Variants in SORBS2 observed in about 807,000 individuals in gnomAD.
SORBS2 encodes sorbin and SH3 domain containing 2.
A neutral mutation model predicts 97.7 loss-of-function variants in SORBS2; 46 were observed. That is an observed-to-expected ratio of 0.47 (90% CI 0.37 to 0.60). The LOEUF (loss-of-function observed/expected upper bound fraction) is 0.60, where lower values mean the gene tolerates loss of function less well. SORBS2 is among the 20% of genes least tolerant of loss of function. The pLI is 0.00. For missense variants in SORBS2, 1,316 were observed against 1,282.3 expected (o/e 1.03, Z -0.40); for synonymous variants, 476 against 473.4 (o/e 1.01, Z -0.07).
intron 2 of SORBS2, among the ~76,000 whole-genome samples, chr4:185,730,583 C>T (rs1215309868): frequency 1.3e-5 from 2 of 152,196 alleles, no homozygotes; most frequent in African/African-American, 2.4e-5. Context: ...GACAGGAAGT[C>T]CTTGAGCGAG....
At chr4:185,650,378 G>A (rs1181081823) in intron 2 of SORBS2, among the ~76,000 whole-genome samples, 1 of 152,154 alleles carries the variant, frequency 6.6e-6, no homozygotes, top group African/African-American at 2.4e-5. Flanking sequence ...GGGCAAGAGG[G>A]GAGCAGGGAT....
At chr4:185,867,516 T>G (rs1255948750) in intron 1 of SORBS2, among the ~76,000 whole-genome samples, 1 of 152,186 alleles carries the variant, frequency 6.6e-6, no homozygotes, top group Non-Finnish European at 1.5e-5. Context: ...TATTTCATTT[T>G]CATCTATAAT....
chr4:185,656,748 C>T (rs576888142), exon 1 of SORBS2: 13 of 1,530,352 alleles, frequency 8.5e-6, no homozygotes, highest in Middle Eastern at 1.7e-4. Context: ...GCTACTGCTG[C>T]GTTTTGCCGG....
At position 185,607,558 on chromosome 4, in the gene SORBS2, G is replaced by A. The variant is rs922838120; in HGVS notation, c.2796+4222C>T. On this transcript the variant is annotated intron_variant, in intron 12 of 14. Coordinates refer to ENST00000418609, the Ensembl canonical transcript of SORBS2. This position sits in a 1 kb window ranked among gnomAD's most constrained non-coding sequence, Gnocchi z 5.2. ...AATTTAAATACATAAAATCATTTAT[G>A]TTAATTAGAAAAGTTACTTCACAAA... is the stretch of plus-strand genomic sequence containing the variant. Among the ~76,000 whole-genome samples, 11 of 152,200 alleles carry A rather than the reference G, an allele frequency of 7.2e-5. No homozygotes were observed. The South Asian group carries it at 2.1e-3, about 29-fold the overall frequency.
At chr4:185,627,555 A>G (rs143823998) in intron 5 of SORBS2, among the ~76,000 whole-genome samples, 10 of 152,330 alleles carry the variant, frequency 6.6e-5, no homozygotes, top group African/African-American at 2.4e-4. Flanking sequence ...GCTTACAGAA[A>G]TAATGACTGG....
At chr4:185,948,841 T>C (rs78691740) in intron 1 of SORBS2, among the ~76,000 whole-genome samples, 4,392 of 152,002 alleles carry the variant, frequency 0.029, 231 homozygotes, top group African/African-American at 0.1. Context: ...TATTAAATTG[T>C]TATTTTTTTC....
intron 2 of SORBS2, chr4:185,773,577 C>CAG (rs4070567): frequency 0.85 from 128,820 of 152,128 alleles, 54,654 homozygotes; most frequent in East Asian, 0.9. Flanking sequence ...GTGCAGAGGA[C>CAG]GGGGCAGACT....
intron 1 of SORBS2, among the ~76,000 whole-genome samples, chr4:185,918,903 T>C (rs77488658): frequency 0.19 from 28,220 of 152,170 alleles, 3,454 homozygotes; most frequent in African/African-American, 0.35. Flanking sequence ...GATGCACAAA[T>C]GATCTGTATA....
At chr4:185,812,255 T>C (rs1284773121) in intron 1 of SORBS2, 61 bp from the exon 1 acceptor site, 2 of 152,250 alleles carry the variant, frequency 1.3e-5, no homozygotes, top group Non-Finnish European at 1.5e-5. Flanking sequence ...AGACAGCTCA[T>C]TGGGTTCCAC....
intron 2 of SORBS2, among the ~76,000 whole-genome samples, chr4:185,752,321 G>C (rs1042701010): frequency 2.6e-5 from 4 of 152,042 alleles, no homozygotes; most frequent in African/African-American, 7.2e-5. Flanking sequence ...TGTCGCCCAG[G>C]CTGGAGTGCA....
At chr4:185,662,151 G>A in exon 5 of SORBS2, 1 of 1,614,160 alleles carries the variant, frequency 6.2e-7, no homozygotes, top group Non-Finnish European at 8.5e-7. Context: ...GAGTGAGGCT[G>A]GGAGAGAATA....
intron 1 of SORBS2, among the ~76,000 whole-genome samples, chr4:185,931,802 G>A (rs1240080899): frequency 2.5e-5 from 2 of 78,534 alleles, no homozygotes; most frequent in African/African-American, 1.0e-4. Flanking sequence ...AGGAGAGGCA[G>A]AGACAGACAG....
intron 1 of SORBS2, among the ~76,000 whole-genome samples, chr4:185,781,127 G>C (rs893210129): frequency 6.6e-6 from 1 of 151,866 alleles, no homozygotes; most frequent in Admixed American, 6.6e-5. Context: ...TAGTAGAGAC[G>C]GGTTTCACCA....
intron 4 of SORBS2, chr4:185,676,999 C>G (rs771311590): frequency 8.4e-6 from 13 of 1,549,874 alleles, no homozygotes; most frequent in Non-Finnish European, 1.1e-5. Context: ...TAAGGTACCA[C>G]TCTGCAGTCT....
At chr4:185,802,186 G>A (rs564767573) in intron 1 of SORBS2, among the ~76,000 whole-genome samples, 10 of 152,198 alleles carry the variant, frequency 6.6e-5, no homozygotes, top group Admixed American at 2.0e-4. Context: ...TTACTTCTGC[G>A]CATGTCTTTT....
intron 2 of SORBS2, among the ~76,000 whole-genome samples, chr4:185,722,189 G>A (rs1415991729): frequency 1.3e-5 from 2 of 152,168 alleles, no homozygotes; most frequent in African/African-American, 2.4e-5. Flanking sequence ...CTATGATCAC[G>A]TATAAGCTTT....
chr4:185,839,342 G>A (rs898574504), intron 1 of SORBS2, among the ~76,000 whole-genome samples: 1 of 152,168 alleles, frequency 6.6e-6, no homozygotes, highest in African/African-American at 2.4e-5. Flanking sequence ...ATTAGACCAG[G>A]ACTGAAACAG....
At chr4:185,774,993 T>C (rs1270135746) in intron 2 of SORBS2, 3 of 152,044 alleles carry the variant, frequency 2.0e-5, no homozygotes, top group Non-Finnish European at 4.4e-5. Context: ...GATCCATGGC[T>C]TAGTCATAGT....
intron 3 of SORBS2, 74 bp from the exon 13 acceptor site, chr4:185,646,856 G>T: frequency 1.2e-6 from 1 of 853,164 alleles, no homozygotes; most frequent in South Asian, 1.5e-5. Flanking sequence ...CCAGTTATCT[G>T]TTTTCAACAT....
Sources: allele counts gnomAD v4.1 joint callset (sites outside exome capture counted in the v4.1 genomes callset), GRCh38; gene constraint gnomAD v4.1.1; non-coding constraint Gnocchi (gnomAD v3.1); transcripts MANE v1.5; gene names NCBI Gene and HGNC (gene_info 2026-07-23, HGNC 2026-07-21).